The following EZR variants were observed in gnomAD, a reference collection of about 807,000 sequenced individuals.
EZR encodes ezrin, also known as cytovillin 2.
Under a neutral mutation model 74.8 loss-of-function variants are expected in EZR, and 40 were observed. The observed-to-expected ratio is 0.53, with a 90% CI of 0.42 to 0.70. The LOEUF (loss-of-function observed/expected upper bound fraction) is 0.70, where lower values mean the gene tolerates loss of function less well. Among genes scored for constraint, EZR ranks in the 30% least tolerant of loss-of-function variants. The probability of loss-of-function intolerance (pLI) is 0.00; values close to 1 mark genes in which losing one functional copy is unlikely to be tolerated. For missense variants in EZR, 678 were observed against 755.8 expected (o/e 0.90, Z 1.21); for synonymous variants, 341 against 283.3 (o/e 1.20, Z -2.05).
At chr6:158,770,407 TAG>T (rs1297896014) in intron 10 of EZR, among the ~76,000 whole-genome samples, 1 of 152,156 alleles carries the variant, frequency 6.6e-6, no homozygotes, top group Non-Finnish European at 1.5e-5. Flanking sequence ...GGTTTTAGTC[TAG>T]AGGTCGAGGG....
chr6:158,777,701 C>T (rs548519704), intron 7 of EZR, among the ~76,000 whole-genome samples: 2 of 152,274 alleles, frequency 1.3e-5, no homozygotes, highest in South Asian at 4.1e-4. Flanking sequence ...GTTATGATCA[C>T]ATCAACTAGA....
In EZR at chr6:158,791,706, A is replaced by ATTTTTTTTTTTTTTTTTT. The variant is rs57581855; in HGVS notation, c.13-2353_13-2336dup. Reference sequence around the variant, plus strand: ...CCATGCACACGAGATTTCAGACTCCATTTTTTTTTTTTTTTTTTTTGAGAC... The same window carrying ATTTTTTTTTTTTTTTTTT: ...CCATGCACACGAGATTTCAGACTCCATTTTTTTTTTTTTTTTTTTTTTTTTTTTTTTTTTTTTTGAGAC... On this transcript the variant is annotated intron_variant, in intron 2 of 13. Transcript: ENST00000367075. Among the ~76,000 whole-genome samples, 22 of 96,244 alleles carry ATTTTTTTTTTTTTTTTTT rather than the reference A, an allele frequency of 2.3e-4. 4 individuals carry two copies. The highest frequency in any genetic ancestry group is 1.1e-3 in the Admixed American group (9 of 8,196). 63.1% of individuals were successfully genotyped at this position (96,244 alleles called of 152,430 possible). A position where few individuals can be genotyped will look rare whatever the true frequency, so the allele number is the denominator to read the frequency against.
chr6:158,779,319 A>G (rs1353734012), intron 7 of EZR, among the ~76,000 whole-genome samples: 1 of 152,172 alleles, frequency 6.6e-6, no homozygotes, highest in Non-Finnish European at 1.5e-5. Flanking sequence ...ACTATCCCAC[A>G]TCGAAGGAGA....
intron 7 of EZR, among the ~76,000 whole-genome samples, chr6:158,779,285 A>C (rs1791363210): frequency 6.6e-6 from 1 of 152,190 alleles, no homozygotes; most frequent in South Asian, 2.1e-4. Flanking sequence ...AAAAATACCA[A>C]GGTCATGACA....
intron 5 of EZR, 115 bp from the exon 6 acceptor site, chr6:158,784,842 C>A: frequency 1.2e-6 from 1 of 810,062 alleles, no homozygotes; most frequent in South Asian, 1.6e-5. Context: ...CAATCAATCC[C>A]AAAGAGCTTT....
intron 1 of EZR, among the ~76,000 whole-genome samples, chr6:158,818,700 G>A (rs1777622040): frequency 6.7e-6 from 1 of 149,862 alleles, no homozygotes; most frequent in Admixed American, 6.6e-5. Flanking sequence ...TACCCGGCGG[G>A]GAAAGGCCCG....
chr6:158,776,818 T>TC (rs529300451), intron 7 of EZR, among the ~76,000 whole-genome samples: 105 of 152,142 alleles, frequency 6.9e-4, no homozygotes, highest in African/African-American at 2.2e-3. Flanking sequence ...ACCTTGACCC[T>TC]CCCCCTCAGG....
intron 2 of EZR, among the ~76,000 whole-genome samples, chr6:158,803,626 CATATACATACATATATATATATATAT>C (rs1777262763): frequency 5.5e-5 from 1 of 18,314 alleles, no homozygotes; most frequent in African/African-American, 2.1e-4. Flanking sequence ...TATATATATA[CATATACATACATATATATATATATAT>C]ACATATATAT....
At chr6:158,809,986 C>T (rs1306905678) in intron 2 of EZR, among the ~76,000 whole-genome samples, 1 of 152,174 alleles carries the variant, frequency 6.6e-6, no homozygotes, top group Non-Finnish European at 1.5e-5. Context: ...GAAATGACAA[C>T]TGTCCACACA....
At chr6:158,770,474 T>C (rs377561006) in intron 10 of EZR, among the ~76,000 whole-genome samples, 17 of 152,208 alleles carry the variant, frequency 1.1e-4, no homozygotes, top group African/African-American at 3.9e-4. Flanking sequence ...CAAATCACTG[T>C]ACCGCACCAA....
chr6:158,819,221 C>A (rs1777637070), intron 1 of EZR, 96 bp downstream of exon 1: 1 of 153,024 alleles, frequency 6.5e-6, no homozygotes, highest in Non-Finnish European at 1.5e-5. Flanking sequence ...GGCTGCCCGC[C>A]GCACCTGCCG....
chr6:158,803,664 T>A lies in EZR; in HGVS notation c.13-14293A>T, dbSNP rs567810174. Among the ~76,000 whole-genome samples, 64 of 121,462 alleles carry A rather than the reference T, an allele frequency of 5.3e-4. 3 individuals are homozygous for A. Among genetic ancestry groups the A allele is most frequent in the African/African-American group, 1.5e-3 (47 of 31,608 alleles). 79.7% of individuals were successfully genotyped at this position (121,462 alleles called of 152,430 possible). On this transcript the variant is annotated intron_variant, in intron 2 of 13. Transcript: ENST00000367075. ...ATATATATATATATACATATATATA[T>A]ATAAAATATACAGAGAGAGTCCAGA...
intron 2 of EZR, among the ~76,000 whole-genome samples, chr6:158,814,595 G>C (rs954364896): frequency 2.7e-5 from 4 of 150,294 alleles, no homozygotes; most frequent in Non-Finnish European, 5.9e-5. Flanking sequence ...CCAGGCTGGA[G>C]TGCAGTGGTG....
chr6:158,772,545 C>G (rs968337935), intron 8 of EZR, among the ~76,000 whole-genome samples: 3 of 152,202 alleles, frequency 2.0e-5, no homozygotes, highest in Non-Finnish European at 4.4e-5. Context: ...ACCAGAGGAG[C>G]CTCCTGGAAA....
chr6:158,774,967 T>C (rs1791229160), intron 8 of EZR, among the ~76,000 whole-genome samples: 1 of 151,846 alleles, frequency 6.6e-6, no homozygotes, highest in African/African-American at 2.4e-5. Context: ...TCAATACGCG[T>C]TTAATTTTAA....
At chr6:158,780,778 T>C (rs1466082760) in intron 7 of EZR, among the ~76,000 whole-genome samples, 2 of 152,238 alleles carry the variant, frequency 1.3e-5, no homozygotes, top group African/African-American at 4.8e-5. Flanking sequence ...GGTTTCAAAT[T>C]GTAACCCAGC....
chr6:158,774,962 A>G (rs1791228743), intron 8 of EZR, among the ~76,000 whole-genome samples: 1 of 151,560 alleles, frequency 6.6e-6, no homozygotes. Context: ...TGCATTCAAT[A>G]CGCGTTTAAT....
chr6:158,774,385 C>T (rs1371567279), intron 8 of EZR, among the ~76,000 whole-genome samples: 1 of 152,098 alleles, frequency 6.6e-6, no homozygotes, highest in African/African-American at 2.4e-5. Context: ...CACAGCTGTA[C>T]TGTTAAATTT....
At chr6:158,815,631 A>G (rs3123137) in intron 2 of EZR, among the ~76,000 whole-genome samples, 10,769 of 152,116 alleles carry the variant, frequency 0.071, 436 homozygotes, top group Middle Eastern at 0.12. Flanking sequence ...ACACCCAGAT[A>G]ATTTTTCTAT....
Sources: gnomAD v4.1 joint callset for allele counts (sites outside exome capture counted in the v4.1 genomes callset) on GRCh38, gnomAD v4.1.1 for gene constraint, MANE v1.5 for transcripts, NCBI Gene and HGNC (gene_info 2026-07-23, HGNC 2026-07-21) for gene names.